The following SCCPDH variants were observed in gnomAD, a reference collection of about 807,000 sequenced individuals.
SCCPDH encodes the protein saccharopine dehydrogenase-like oxidoreductase.
SCCPDH carries 34 observed loss-of-function variants against 51.5 expected under a neutral mutation model. The ratio of observed to expected loss-of-function variants is 0.66; its 90% CI spans 0.50 to 0.88. The LOEUF is 0.88. Among genes scored for constraint, SCCPDH ranks in the 40% least tolerant of loss-of-function variants. SCCPDH has a pLI of 0.00. For synonymous variants in SCCPDH, 187 were observed against 191.3 expected, an observed-to-expected ratio of 0.98 and a Z score of 0.19; for missense variants, 464 against 527.1, an observed-to-expected ratio of 0.88 and a Z score of 1.17.
chr1:246,767,580 A>G lies in SCCPDH; in HGVS notation c.*280A>G, dbSNP rs899788954. 2.6e-5 allele frequency: 5 copies of G among 194,862 alleles called. No individual in the cohort carries two copies. The highest frequency in any genetic ancestry group is 9.3e-5 in the African/African-American group (4 of 42,862). 12.1% of individuals were successfully genotyped at this position (194,862 alleles called of 1,614,324 possible). A position where few individuals can be genotyped will look rare whatever the true frequency, so the allele number is the denominator to read the frequency against. On this transcript the variant is annotated 3_prime_UTR_variant, in exon 12 of 12. Transcript: ENST00000366510. The stretch of plus-strand genomic sequence containing the variant: ...TTTTCACGAATGAGCTGGCAGGTCT[A>G]ATGGGGGAGGCGGCGTCCCAGTCTG...
At chr1:246,734,265 G>C (rs757568357) in intron 2 of SCCPDH, among the ~76,000 whole-genome samples, 2 of 152,138 alleles carry the variant, frequency 1.3e-5, no homozygotes, top group Non-Finnish European at 2.9e-5. Context: ...AAACCCTAAG[G>C]ATCAACCAGG....
chr1:246,726,614 T>C (rs1388233841), intron 1 of SCCPDH, among the ~76,000 whole-genome samples: 1 of 152,236 alleles, frequency 6.6e-6, no homozygotes, highest in African/African-American at 2.4e-5. Context: ...GAAATTGTCA[T>C]GTTACACAGG....
At chr1:246,744,192 G>A (rs1382286148) in intron 5 of SCCPDH, 67 bp downstream of exon 5, 1 of 905,866 alleles carries the variant, frequency 1.1e-6, no homozygotes, top group Admixed American at 2.2e-5. Context: ...AATGATACAT[G>A]TGTCTTTTAG....
intron 1 of SCCPDH, among the ~76,000 whole-genome samples, chr1:246,724,932 T>C (rs1668370196): frequency 1.3e-5 from 2 of 152,146 alleles, no homozygotes; most frequent in Admixed American, 1.3e-4. Context: ...GAGTTGTCCC[T>C]CTCTCTGCTT....
intron 5 of SCCPDH, among the ~76,000 whole-genome samples, chr1:246,748,112 T>C (rs1201181676): frequency 2.6e-5 from 4 of 152,162 alleles, no homozygotes; most frequent in Non-Finnish European, 5.9e-5. Flanking sequence ...TGCTCGACTT[T>C]ATCCTCTAAA....
intron 9 of SCCPDH, among the ~76,000 whole-genome samples, chr1:246,761,292 G>T (rs1192463496): frequency 1.3e-5 from 2 of 152,168 alleles, no homozygotes; most frequent in Non-Finnish European, 2.9e-5. Flanking sequence ...GGGCAGGCTG[G>T]TCTTGAACTC....
Position 246,767,403 on chromosome 1 carries a change from G to A in SCCPDH, c.*103G>A, listed in dbSNP as rs762389214. 3.5e-5 allele frequency: 20 copies of A among 571,108 alleles called. No individual in the cohort carries two copies. The highest frequency in any genetic ancestry group is 4.8e-5 in the Non-Finnish European group (17 of 355,318). The allele number at this position is 571,108 out of a possible 1,614,324, so 35.4% of individuals were successfully genotyped here. On this transcript the variant is annotated 3_prime_UTR_variant, in exon 12 of 12. Transcript: ENST00000366510. ...AGCCTGTCTGAGTGTATGTGGAAAC[G>A]ATTGTCAAATCTAAAATATCTATAT...
intron 2 of SCCPDH, 131 bp from the exon 3 acceptor site, chr1:246,735,844 T>C: frequency 1.6e-6 from 1 of 612,744 alleles, no homozygotes; most frequent in South Asian, 2.0e-5. Flanking sequence ...TTTCTGAATT[T>C]ATCTTTAGGC....
intron 5 of SCCPDH, among the ~76,000 whole-genome samples, chr1:246,746,266 G>A (rs908146609): frequency 3.9e-5 from 6 of 152,110 alleles, no homozygotes; most frequent in Non-Finnish European, 7.3e-5. Flanking sequence ...GATCGTGATT[G>A]ATTGAGCAAG....
Position 246,739,782 on chromosome 1 carries a change from A to G in SCCPDH, c.385-390A>G, listed in dbSNP as rs550437987. ...TCCCCTGTGCCCTCTGCCACCATCT[A>G]CTTTCCTGCTCTCTGTCTGTACGTG... On this transcript the variant is annotated intron_variant, in intron 3 of 11. Coordinates refer to ENST00000366510, the MANE Select transcript of SCCPDH (RefSeq NM_016002.3). Among the ~76,000 whole-genome samples, 6 of 152,094 alleles carry G rather than the reference A, an allele frequency of 3.9e-5. No individual in the cohort carries two copies. In the South Asian group the frequency reaches 1.0e-3, roughly 26 times the overall value.
intron 11 of SCCPDH, 65 bp from the exon 12 acceptor site, chr1:246,767,130 G>A (rs1186631212): frequency 2.3e-5 from 25 of 1,092,594 alleles, no homozygotes; most frequent in Non-Finnish European, 3.0e-5. Context: ...TTGATAGTGA[G>A]GCCTGTGAAA....
intron 4 of SCCPDH, among the ~76,000 whole-genome samples, chr1:246,741,912 C>CA (rs1264635654): frequency 6.6e-6 from 1 of 151,952 alleles, no homozygotes; most frequent in Non-Finnish European, 1.5e-5. Context: ...ACTAAAAATA[C>CA]AAAAAAATTA....
Position 246,724,550 on chromosome 1 carries a change from C to A in SCCPDH, c.128C>A (p.Ala43Asp). 6.5e-7 allele frequency: 1 copy of A among 1,542,526 alleles called. No individual in the cohort carries two copies. Among genetic ancestry groups the A allele is most frequent in the South Asian group, 1.2e-5 (1 of 83,648 alleles). The change falls in exon 1 of 12, where the codon GCC becomes GAC. Residue 43 changes from alanine (A) to aspartate (D), a missense_variant. Ala to Asp is a moderately radical substitution (Grantham distance 126). Transcript: ENST00000366510. The stretch of plus-strand genomic sequence containing the variant: ...GAGCGGAGCTCCCGCCTGCCCTGGG[C>A]CGTGGCGGGCCGCTCCCGGGAGAAG... ...DPERSSRLPW[A>D]VAGRSREKLQ...
At chr1:246,758,999 A>G (rs1668973375) in intron 6 of SCCPDH, 35 bp from the exon 7 acceptor site, 4 of 1,189,912 alleles carry the variant, frequency 3.4e-6, no homozygotes, top group Non-Finnish European at 5.0e-6. Context: ...TTGTAATTGC[A>G]GGAAATGCAA....
chr1:246,764,195 A>C, intron 9 of SCCPDH, 51 bp from the exon 10 acceptor site: 1 of 1,098,092 alleles, frequency 9.1e-7, no homozygotes, highest in East Asian at 2.4e-5. Context: ...ACTATGTTCC[A>C]GGAGGAAATG....
At chr1:246,730,372 G>A (rs988920401) in intron 2 of SCCPDH, among the ~76,000 whole-genome samples, 37 of 152,140 alleles carry the variant, frequency 2.4e-4, no homozygotes, top group Admixed American at 2.1e-3. Context: ...GGAAGTCCTC[G>A]TCTCCTCCAC....
chr1:246,736,716 A>G (rs896085050), intron 3 of SCCPDH, among the ~76,000 whole-genome samples: 12 of 152,218 alleles, frequency 7.9e-5, no homozygotes, highest in African/African-American at 2.7e-4. Context: ...CAAAAAAAAA[A>G]AGAAAATTCA....
intron 5 of SCCPDH, among the ~76,000 whole-genome samples, chr1:246,748,707 G>A (rs1165353819): frequency 1.3e-5 from 2 of 152,146 alleles, no homozygotes; most frequent in Admixed American, 1.3e-4. Context: ...TTCTCCTCAT[G>A]GAACTCCAGT....
In SCCPDH at chr1:246,758,092, A is replaced by G. The variant is rs1668958445; in HGVS notation, c.565-134A>G. ...CTAGCTGGTCATGAAAATTCTCCTC[A>G]AGATTATTAAATCAGGGATTATGTC... On this transcript the variant is annotated intron_variant, in intron 5 of 11. Coordinates refer to ENST00000366510, the MANE Select transcript of SCCPDH (RefSeq NM_016002.3). The G allele has an allele frequency of 4.6e-6, 3 of 658,870 alleles. No individual in the cohort carries two copies. The East Asian group carries it at 9.2e-5, about 20-fold the overall frequency. The allele number at this position is 658,870 out of a possible 1,614,324, so 40.8% of individuals were successfully genotyped here.
Sources: allele counts gnomAD v4.1 joint callset (sites outside exome capture counted in the v4.1 genomes callset), GRCh38; gene constraint gnomAD v4.1.1; transcripts MANE v1.5; gene names NCBI Gene and HGNC (gene_info 2026-07-23, HGNC 2026-07-21).